ZNF821: variants seen among roughly 807,000 people sequenced by gnomAD.
ZNF821 encodes zinc finger protein 821.
Under a neutral mutation model 44.3 loss-of-function variants are expected in ZNF821, and 16 were observed. That is an observed-to-expected ratio of 0.36 (90% CI 0.24 to 0.55). The LOEUF is 0.55. Among genes scored for constraint, ZNF821 ranks in the 20% least tolerant of loss-of-function variants. The pLI is 0.86. For missense variants in ZNF821, 436 were observed against 547.6 expected (o/e 0.80, Z 2.03); for synonymous variants, 204 against 197.6 (o/e 1.03, Z -0.27).
chr16:71,872,205 T>C (rs1329454582), intron 3 of ZNF821, among the ~76,000 whole-genome samples: 2 of 152,112 alleles, frequency 1.3e-5, no homozygotes, highest in South Asian at 4.1e-4. Flanking sequence ...AGGAATGAGA[T>C]GAAAGTTATT....
Position 71,867,981 on chromosome 16 carries a change from C to A in ZNF821, c.97G>T (p.Asp33Tyr). ...EQARQAMMKT[D>Y]FPGDLGSQRQ... Reference sequence around the variant, plus strand: ...TGACTGCCAAGGTCTCCAGGAAAATCAGTTTTCATCATCGCCTGGCGGGCT... The same window carrying A: ...TGACTGCCAAGGTCTCCAGGAAAATAAGTTTTCATCATCGCCTGGCGGGCT... The change falls in exon 4 of 8, where the codon GAT becomes TAT. Residue 33 changes from aspartate to tyrosine, a missense_variant. Asp to Tyr is a radical substitution (Grantham distance 160). Around this residue, in one of 5 missense-constraint regions of ZNF821, gnomAD observed 238 missense variants for 281.4 expected, o/e 0.85. Coordinates refer to ENST00000425432, the MANE Select transcript of ZNF821 (RefSeq NM_001201552.2). 2 of 1,535,994 alleles carry A rather than the reference C, an allele frequency of 1.3e-6. No individual in the cohort carries two copies. Among genetic ancestry groups the A allele is most frequent in the Non-Finnish European group, 1.7e-6 (2 of 1,146,826 alleles).
chr16:71,864,002 TA>T, intron 6 of ZNF821, 135 bp downstream of exon 6: 1 of 782,184 alleles, frequency 1.3e-6, no homozygotes, highest in Non-Finnish European at 2.2e-6. Flanking sequence ...CCAGCCTCCC[TA>T]AGACGAATCT....
At chr16:71,890,764 CTTTTTTTTTTTTT>C (rs750537169) in intron 1 of ZNF821, 29 of 65,472 alleles carry the variant, frequency 4.4e-4, no homozygotes, top group African/African-American at 2.1e-3. Context: ...CCCCTTCCTG[CTTTTTTTTTTTTT>C]TTTTTTTTTT....
intron 3 of ZNF821, among the ~76,000 whole-genome samples, chr16:71,877,453 T>G (rs1036256539): frequency 6.6e-6 from 1 of 151,844 alleles, no homozygotes; most frequent in Non-Finnish European, 1.5e-5. Flanking sequence ...AAAAACGGGG[T>G]TTTGCCATGT....
rs764867087 is a variant in ZNF821, at chr16:71,879,962, G to A, written c.-16C>T. 12 of 1,612,936 alleles carry A rather than the reference G, an allele frequency of 7.4e-6. No homozygotes were observed. The South Asian group carries it at 1.1e-4, about 15-fold the overall frequency. On this transcript the variant is annotated 5_prime_UTR_variant, in exon 3 of 8. Transcript: ENST00000425432. ...GACGGGACATGTTTCCCTGATGCAA[G>A]AGCTCTGGTCTTTCCCAGTTTCACG... is the stretch of plus-strand genomic sequence containing the variant.
intron 3 of ZNF821, among the ~76,000 whole-genome samples, chr16:71,879,104 A>AC (rs1353251217): frequency 6.6e-6 from 1 of 151,916 alleles, no homozygotes; most frequent in Non-Finnish European, 1.5e-5. Context: ...CTGCTTAAAA[A>AC]CCTTCAGTAG....
intron 1 of ZNF821, chr16:71,894,862 A>C: frequency 6.5e-7 from 1 of 1,530,974 alleles, no homozygotes; most frequent in Non-Finnish European, 8.8e-7. Context: ...AACAAAGGTA[A>C]CCAAGGAAAA....
chr16:71,862,431 C>T (rs915638790), intron 6 of ZNF821, among the ~76,000 whole-genome samples: 56 of 152,178 alleles, frequency 3.7e-4, no homozygotes, highest in Non-Finnish European at 3.2e-4. Context: ...GCCAAGATCA[C>T]ACCACTGCAC....
chr16:71,890,484 G>A (rs1027243200), intron 1 of ZNF821: 8 of 151,436 alleles, frequency 5.3e-5, no homozygotes, highest in African/African-American at 1.7e-4. Context: ...CTGCCTCCCA[G>A]GTTCAAGTGA....
chr16:71,877,357 C>T (rs1409470751), intron 3 of ZNF821, among the ~76,000 whole-genome samples: 1 of 152,086 alleles, frequency 6.6e-6, no homozygotes, highest in East Asian at 1.9e-4. Context: ...ACTTCCCAGG[C>T]TCCAGCCATC....
At chr16:71,861,457 G>A (rs138484469) in intron 7 of ZNF821, among the ~76,000 whole-genome samples, 9 of 152,306 alleles carry the variant, frequency 5.9e-5, no homozygotes, top group African/African-American at 1.9e-4. Context: ...CCTAGGACAC[G>A]ATGGAGACTG....
chr16:71,893,491 ACT>A (rs1162144736), intron 1 of ZNF821, among the ~76,000 whole-genome samples: 1 of 139,962 alleles, frequency 7.1e-6, no homozygotes, highest in African/African-American at 2.7e-5. Flanking sequence ...ACAGGGTCTC[ACT>A]CTGCTGCCCA....
intron 1 of ZNF821, among the ~76,000 whole-genome samples, chr16:71,891,992 T>A (rs1254062587): frequency 3.7e-5 from 2 of 54,380 alleles, no homozygotes; most frequent in African/African-American, 1.1e-4. Flanking sequence ...AGAGACTCCG[T>A]CTCAAAAAAA....
Position 71,884,017 on chromosome 16 carries a change from CG to C in ZNF821, c.-251del, listed in dbSNP as rs1567448416. The C allele has an allele frequency of 6.6e-6, 1 of 152,084 alleles. No individual in the cohort carries two copies. Among genetic ancestry groups the C allele is most frequent in the African/African-American group, 2.4e-5 (1 of 41,418 alleles). 9.4% of individuals were successfully genotyped at this position (152,084 alleles called of 1,614,324 possible). A position where few individuals can be genotyped will look rare whatever the true frequency, so the allele number is the denominator to read the frequency against. ...GCAGCCCAAGCCAGCCGGGCCGGGG[CG>C]CTCCGGGACTGGGCCCCGGCGAGCG... On this transcript the variant is annotated 5_prime_UTR_variant, in exon 1 of 8. Coordinates refer to ENST00000425432, the MANE Select transcript of ZNF821 (RefSeq NM_001201552.2).
chr16:71,887,236 C>T (rs1357000975), upstream of ZNF821, among the ~76,000 whole-genome samples: 1 of 147,262 alleles, frequency 6.8e-6, no homozygotes, highest in Non-Finnish European at 1.5e-5. Flanking sequence ...ATTGCTTGGT[C>T]AAATGGTAAC....
At chr16:71,877,204 T>G (rs1004586503) in intron 3 of ZNF821, among the ~76,000 whole-genome samples, 4 of 152,190 alleles carry the variant, frequency 2.6e-5, no homozygotes, top group Non-Finnish European at 5.9e-5. Context: ...CTTCTACTCT[T>G]GAAGTAACCC....
intron 6 of ZNF821, among the ~76,000 whole-genome samples, 160 bp downstream of exon 6, chr16:71,863,978 G>A (rs916675031): frequency 1.3e-5 from 2 of 152,218 alleles, no homozygotes; most frequent in African/African-American, 4.8e-5. Flanking sequence ...GATTACAGGC[G>A]TGAGCCACTG....
At position 71,879,907 on chromosome 16, in the gene ZNF821, A is replaced by G; in HGVS notation, c.40T>C (p.Trp14Arg). Reference sequence around the variant, plus strand: ...CCAGAAGACAAAGCCCGATACTCACAGTGAACTTTATTTGGATTTGTCTGT... The same window carrying G: ...CCAGAAGACAAAGCCCGATACTCACGGTGAACTTTATTTGGATTTGTCTGT... ...RKQTNPNKVHWDQVFAGLEEQ... is the reference protein window; with the variant it reads ...RKQTNPNKVHRDQVFAGLEEQ... Residue 14 changes from tryptophan to arginine, a missense_variant and splice_region_variant, in exon 3 of 8, where the codon TGG (tryptophan) becomes CGG (arginine). Physicochemically the swap from Trp to Arg is moderately radical, Grantham distance 101 (BLOSUM62 -3). Around this residue, in one of 5 missense-constraint regions of ZNF821, gnomAD observed 238 missense variants for 281.4 expected, o/e 0.85. Transcript: ENST00000425432. 1.2e-6 allele frequency: 2 copies of G among 1,613,780 alleles called. No individual in the cohort carries two copies. The highest frequency in any genetic ancestry group is 1.7e-6 in the Non-Finnish European group (2 of 1,179,850).
chr16:71,879,142 G>A (rs543347502), intron 3 of ZNF821, among the ~76,000 whole-genome samples: 1 of 152,136 alleles, frequency 6.6e-6, no homozygotes, highest in African/African-American at 2.4e-5. Context: ...AATGAACTTT[G>A]AACTTGGCCT....
Sources: gnomAD v4.1 joint callset for allele counts (sites outside exome capture counted in the v4.1 genomes callset) on GRCh38, gnomAD v4.1.1 for gene constraint, gnomAD v4.1.1 regional missense constraint, MANE v1.5 for transcripts, NCBI Gene and HGNC (gene_info 2026-07-23, HGNC 2026-07-21) for gene names.